The following RARB variants were observed in gnomAD, a reference collection of about 807,000 sequenced individuals.
The protein encoded by RARB is retinoic acid receptor beta.
RARB carries 17 observed loss-of-function variants against 51.9 expected under a neutral mutation model. The observed-to-expected ratio is 0.33, with a 90% CI of 0.22 to 0.49. RARB has a LOEUF of 0.49. RARB is among the 20% of genes least tolerant of loss of function. RARB has a pLI of 0.99. For synonymous variants in RARB, 215 were observed against 195.4 expected, an observed-to-expected ratio of 1.10 and a Z score of -0.84; for missense variants, 369 against 550.8, an observed-to-expected ratio of 0.67 and a Z score of 3.30.
intron 3 of RARB, among the ~76,000 whole-genome samples, chr3:25,099,499 T>A (rs1022660164): frequency 2.0e-5 from 3 of 152,018 alleles, no homozygotes; most frequent in African/African-American, 7.3e-5. Context: ...ATACCAAGAT[T>A]AAGATGCATA....
intron 5 of RARB, among the ~76,000 whole-genome samples, chr3:25,343,881 G>T (rs982853873): frequency 6.6e-6 from 1 of 152,122 alleles, no homozygotes; most frequent in African/African-American, 2.4e-5. Flanking sequence ...GGTGAAGAAG[G>T]AACTAAAAGG....
chr3:24,946,355 C>T (rs186824207), intron 2 of RARB, among the ~76,000 whole-genome samples: 4 of 105,936 alleles, frequency 3.8e-5, no homozygotes, highest in African/African-American at 1.1e-4. Flanking sequence ...TTTTTTGAAA[C>T]CCGAGCCAGT....
chr3:24,958,269 T>TTTTTTTTG (rs1696064994), intron 2 of RARB, among the ~76,000 whole-genome samples: 1 of 105,068 alleles, frequency 9.5e-6, no homozygotes, highest in Non-Finnish European at 2.1e-5. Context: ...TTTTTTTTTT[T>TTTTTTTTG]TTTTTTTTTT....
chr3:25,524,885 A>G (rs1212576154), intron 3 of RARB, among the ~76,000 whole-genome samples: 1 of 151,730 alleles, frequency 6.6e-6, no homozygotes, highest in Non-Finnish European at 1.5e-5. Context: ...GCTCACCATC[A>G]CACCCAGCTA....
intron 3 of RARB, among the ~76,000 whole-genome samples, chr3:25,540,561 T>C (rs1036212904): frequency 3.9e-5 from 6 of 152,224 alleles, no homozygotes; most frequent in Non-Finnish European, 8.8e-5. Context: ...TTTTGTGACC[T>C]CTGTTTCCCT....
At chr3:25,159,179 T>G (rs1197771265) in intron 4 of RARB, among the ~76,000 whole-genome samples, 13 of 128,734 alleles carry the variant, frequency 1.0e-4, no homozygotes, top group African/African-American at 4.0e-4. Flanking sequence ...TTTTTTTTTT[T>G]TGAGATGGAG....
chr3:25,285,816 G>A (rs1243788076), intron 5 of RARB, among the ~76,000 whole-genome samples: 2 of 152,144 alleles, frequency 1.3e-5, no homozygotes, highest in African/African-American at 2.4e-5. Context: ...TGTACAATAT[G>A]TTCCATTTTA....
intron 1 of RARB, among the ~76,000 whole-genome samples, chr3:24,846,313 G>A (rs1352863386): frequency 1.3e-5 from 2 of 152,114 alleles, no homozygotes; most frequent in Non-Finnish European, 2.9e-5. Context: ...GGAATGTTAA[G>A]TATTTAAGAC....
intron 5 of RARB, among the ~76,000 whole-genome samples, chr3:25,257,627 G>T (rs373186755): frequency 1.2e-4 from 18 of 152,170 alleles, no homozygotes; most frequent in African/African-American, 3.6e-4. Context: ...TAAATGGAAA[G>T]CCCTGTGTCC....
intron 2 of RARB, among the ~76,000 whole-genome samples, chr3:25,003,870 G>T (rs556411565): frequency 6.6e-6 from 1 of 152,218 alleles, no homozygotes; most frequent in East Asian, 1.9e-4. Context: ...CCTATAATTT[G>T]TTGAATGATA....
intron 5 of RARB, among the ~76,000 whole-genome samples, chr3:25,242,154 G>T (rs909359346): frequency 1.3e-5 from 2 of 150,616 alleles, no homozygotes; most frequent in Non-Finnish European, 3.0e-5. Context: ...TTTCAATGAG[G>T]TTTTTTTTTC....
intron 2 of RARB, among the ~76,000 whole-genome samples, chr3:25,468,337 C>T (rs1460630786): frequency 1.4e-5 from 2 of 147,012 alleles, no homozygotes; most frequent in Non-Finnish European, 3.0e-5. Flanking sequence ...GAAAACTACC[C>T]TTGTTGGGTG....
At chr3:25,012,065 C>A (rs1304072325) in intron 2 of RARB, among the ~76,000 whole-genome samples, 1 of 152,054 alleles carries the variant, frequency 6.6e-6, no homozygotes, top group Admixed American at 6.6e-5. Flanking sequence ...CATATAAATT[C>A]AATCTCAGTG....
intron 5 of RARB, among the ~76,000 whole-genome samples, chr3:25,325,813 TG>T (rs1313715780): frequency 6.2e-5 from 4 of 64,736 alleles, no homozygotes; most frequent in East Asian, 4.4e-4. Flanking sequence ...AAAAACAAAG[TG>T]GGGGGCGGGG....
chr3:25,346,469 T>A (rs925355632), intron 5 of RARB, among the ~76,000 whole-genome samples: 12 of 152,110 alleles, frequency 7.9e-5, no homozygotes, highest in Non-Finnish European at 1.5e-4. Flanking sequence ...CTAAACAAAT[T>A]AACATTTTTA....
chr3:25,473,082 T>C (rs1283636236), intron 2 of RARB, among the ~76,000 whole-genome samples: 1 of 152,208 alleles, frequency 6.6e-6, no homozygotes, highest in Non-Finnish European at 1.5e-5. Flanking sequence ...GCTTATGTCC[T>C]GAAAACCACG....
chr3:25,016,650 G>T (rs913305566), intron 2 of RARB, among the ~76,000 whole-genome samples: 1 of 152,060 alleles, frequency 6.6e-6, no homozygotes, highest in African/African-American at 2.4e-5. Context: ...ACTTTATCTG[G>T]GGGAACGTAA....
At chr3:25,238,196 C>G (rs1489588306) in intron 5 of RARB, among the ~76,000 whole-genome samples, 2 of 151,804 alleles carry the variant, frequency 1.3e-5, no homozygotes, top group African/African-American at 4.8e-5. Context: ...GGATTCTACT[C>G]TCTACCTTTA....
intron 3 of RARB, among the ~76,000 whole-genome samples, chr3:25,122,732 C>A (rs17576064): frequency 1.3e-5 from 2 of 152,054 alleles, no homozygotes; most frequent in Non-Finnish European, 2.9e-5. Flanking sequence ...AACCAGGGAC[C>A]AGGCATGTAC....
Sources: allele counts gnomAD v4.1 joint callset (sites outside exome capture counted in the v4.1 genomes callset), GRCh38; gene constraint gnomAD v4.1.1; transcripts MANE v1.5; gene names NCBI Gene and HGNC (gene_info 2026-07-23, HGNC 2026-07-21).